The following CACNB1 variants were observed in gnomAD, a reference collection of about 807,000 sequenced individuals.
The protein encoded by CACNB1 is voltage-dependent L-type calcium channel subunit beta-1.
CACNB1 carries 29 observed loss-of-function variants against 71.6 expected under a neutral mutation model. The observed-to-expected ratio is 0.40, with a 90% CI of 0.30 to 0.55. The LOEUF (loss-of-function observed/expected upper bound fraction) is 0.55. CACNB1 is among the 20% of genes least tolerant of loss of function. The pLI is 0.38. For missense variants in CACNB1, 623 were observed against 801.8 expected, an observed-to-expected ratio of 0.78 and a Z score of 2.69; for synonymous variants, 300 against 319.6, an observed-to-expected ratio of 0.94 and a Z score of 0.65.
intron 13 of CACNB1, among the ~76,000 whole-genome samples, chr17:39,176,889 G>A (rs778645918): frequency 6.6e-6 from 1 of 152,200 alleles, no homozygotes; most frequent in African/African-American, 2.4e-5. Flanking sequence ...TCCAGGGAGG[G>A]AGAGTCCAGG....
In CACNB1 at chr17:39,191,475, T is replaced by C. The variant is rs1442661627; in HGVS notation, c.290A>G (p.Lys97Arg). 4 of 1,602,028 alleles carry C rather than the reference T, an allele frequency of 2.5e-6. No homozygotes were observed. In the Admixed American group the frequency reaches 5.3e-5, roughly 21 times the overall value. ...AGCCCCTCCCCACATCTTTCTCACC[T>C]TGGCCTTCTCGAGCTGCGCTAATGC... ...RQALAQLEKA[K>R]TKPVAFAVRT... Residue 97 changes from lysine to arginine, a missense_variant and splice_region_variant, in exon 3 of 14, where the codon AAG (lysine) becomes AGG (arginine). Coordinates refer to ENST00000394303, the MANE Select transcript of CACNB1 (RefSeq NM_000723.5).
At position 39,197,569 on chromosome 17, in the gene CACNB1, G is replaced by A. The variant is rs1198356420; in HGVS notation, c.-74C>T. The stretch of plus-strand genomic sequence containing the variant: ...TCAGCGCATGGGAGAGGCCGTGGGA[G>A]CCGAAAGCAGCGCGGCGCAGCCAGC... On this transcript the variant is annotated 5_prime_UTR_variant, in exon 1 of 14. Transcript: ENST00000394303. 62 of 1,167,516 alleles carry A rather than the reference G, an allele frequency of 5.3e-5. No individual in the cohort carries two copies. The highest frequency in any genetic ancestry group is 7.1e-5 in the Non-Finnish European group (60 of 850,484). 72.3% of individuals were successfully genotyped at this position (1,167,516 alleles called of 1,614,324 possible).
chr17:39,183,337 AAAGAAGAAGAAG>A (rs35982951), intron 11 of CACNB1, among the ~76,000 whole-genome samples: 1 of 130,186 alleles, frequency 7.7e-6, no homozygotes, highest in African/African-American at 2.5e-5. Flanking sequence ...GACTTAAAAA[AAAGAAGAAGAAG>A]AAGAAGAAGA....
chr17:39,185,146 T>C lies in CACNB1; in HGVS notation c.633A>G (p.Lys211=), dbSNP rs1339112502. The C allele has an allele frequency of 9.9e-6, 16 of 1,613,650 alleles. No individual in the cohort carries two copies. Among genetic ancestry groups the C allele is most frequent in the Non-Finnish European group, 1.4e-5 (16 of 1,179,694 alleles). ...TRRPTPPASA[K]QKQKSTEHVP... is the part of the protein sequence containing the mutation. ...TGATACTCACCGACTTCTGCTTCTG[T>C]TTGGCTGGGTCCAGAGATTGCCAAG... The change falls in exon 7 of 14, where the codon AAA becomes AAG. Residue 211 remains lysine, a synonymous_variant. Coordinates refer to ENST00000394303, the MANE Select transcript of CACNB1 (RefSeq NM_000723.5).
At chr17:39,190,238 A>G (rs1312611114) in intron 3 of CACNB1, among the ~76,000 whole-genome samples, 1 of 152,088 alleles carries the variant, frequency 6.6e-6, no homozygotes, top group Non-Finnish European at 1.5e-5. Flanking sequence ...CCTGGGCAAC[A>G]TAGCAAGATC....
chr17:39,191,718 A>T, intron 2 of CACNB1, 125 bp from the exon 3 acceptor site: 1 of 908,718 alleles, frequency 1.1e-6, no homozygotes, highest in Non-Finnish European at 1.7e-6. Context: ...TGACACCACA[A>T]GGGCTAAGAC....
chr17:39,197,555 G>A lies in CACNB1; in HGVS notation c.-60C>T, dbSNP rs1451474218. ...CCAGCCGGGCTCCCTCAGCGCATGG[G>A]AGAGGCCGTGGGAGCCGAAAGCAGC... On this transcript the variant is annotated 5_prime_UTR_variant, in exon 1 of 14. Transcript: ENST00000394303. 3.0e-6 allele frequency: 4 copies of A among 1,318,368 alleles called. No homozygotes were observed. The allele number at this position is 1,318,368 out of a possible 1,614,324, so 81.7% of individuals were successfully genotyped here.
chr17:39,186,774 C>T lies in CACNB1; in HGVS notation c.551+19G>A, dbSNP rs573339000. On this transcript the variant is annotated intron_variant, in intron 5 of 13. Coordinates refer to ENST00000394303, the MANE Select transcript of CACNB1 (RefSeq NM_000723.5). The surrounding 1 kb of genome is among the most constrained non-coding windows in gnomAD (Gnocchi z 4.1). ...TCCTGGGGTTGGCAGCATCCCCTTC[C>T]CCTGCCCCACCCAGACACCTGGAGC... The T allele has an allele frequency of 1.9e-6, 3 of 1,613,204 alleles. No homozygotes were observed. The highest frequency in any genetic ancestry group is 2.5e-6 in the Non-Finnish European group (3 of 1,179,716).
intron 11 of CACNB1, 71 bp downstream of exon 11, chr17:39,183,642 A>G: frequency 8.3e-7 from 1 of 1,211,100 alleles, no homozygotes; most frequent in Non-Finnish European, 1.1e-6. Context: ...TAAGCAGTGG[A>G]GCTGGGATTT....
chr17:39,185,107 G>A (rs2045900897), intron 7 of CACNB1, 24 bp downstream of exon 7: 1 of 1,611,358 alleles, frequency 6.2e-7, no homozygotes, highest in African/African-American at 1.3e-5. Flanking sequence ...TGGGGAGGAG[G>A]ACACAGAAAG....
rs778101083 is a variant in CACNB1, at chr17:39,186,529, TCAC to T, written c.592_594del (p.Val198del). On this transcript the variant is annotated inframe_deletion, in exon 6 of 14. Transcript: ENST00000394303. This position sits in a 1 kb window ranked among gnomAD's most constrained non-coding sequence, Gnocchi z 4.1. ...GGGGGTGTGGGGCGGCGGGTGCCAG[TCAC>T]CACATCTCCCAGACTGGAACTGGAG... is the stretch of plus-strand genomic sequence containing the variant. 3.7e-6 allele frequency: 6 copies of T among 1,613,606 alleles called. No individual in the cohort carries two copies. In the East Asian group the frequency reaches 6.7e-5, roughly 18 times the overall value.
intron 2 of CACNB1, chr17:39,193,289 T>TGCAGACACATGTACGC: frequency 3.1e-6 from 1 of 323,324 alleles, no homozygotes; most frequent in Middle Eastern, 4.0e-4. Flanking sequence ...CACACACATA[T>TGCAGACACATGTACGC]GCAGACACAT....
Position 39,174,277 on chromosome 17 carries a change from A to C in CACNB1, c.*916T>G, listed in dbSNP as rs1184847176. ...AGAGGAGATCCGAGGTCCCAAGGCA[A>C]CCCCTGGGCACCATCCCACGGGTCC... On this transcript the variant is annotated 3_prime_UTR_variant, in exon 14 of 14. Coordinates refer to ENST00000394303, the MANE Select transcript of CACNB1 (RefSeq NM_000723.5). 6.5e-6 allele frequency: 1 copy of C among 152,816 alleles called. No individual in the cohort carries two copies. The highest frequency in any genetic ancestry group is 2.4e-5 in the African/African-American group (1 of 41,396). The allele number at this position is 152,816 out of a possible 1,614,324, so 9.5% of individuals were successfully genotyped here. A position where few individuals can be genotyped will look rare whatever the true frequency, so the allele number is the denominator to read the frequency against.
At chr17:39,179,272 C>T (rs2144095116) in intron 11 of CACNB1, among the ~76,000 whole-genome samples, 1 of 130,454 alleles carries the variant, frequency 7.7e-6, no homozygotes, top group South Asian at 2.4e-4. Context: ...CAGAGCAAGA[C>T]TCCGTCTCAA....
Position 39,194,188 on chromosome 17 carries a change from T to C in CACNB1, c.171+696A>G, listed in dbSNP as rs1166260512. Among the ~76,000 whole-genome samples the C allele has an allele frequency of 1.3e-5, 2 of 152,138 alleles. No individual in the cohort carries two copies. Among genetic ancestry groups the C allele is most frequent in the African/African-American group, 2.4e-5 (1 of 41,426 alleles). ...ATGCTAAGTAGTCATAGCAACCACATGCCTCTCTCAGTCCCTCACCCTGAG... is the reference window on the plus strand; with the variant it reads ...ATGCTAAGTAGTCATAGCAACCACACGCCTCTCTCAGTCCCTCACCCTGAG... On this transcript the variant is annotated intron_variant, in intron 2 of 13. Transcript: ENST00000394303. This position sits in a 1 kb window ranked among gnomAD's most constrained non-coding sequence, Gnocchi z 4.6.
At chr17:39,178,386 T>TG in intron 11 of CACNB1, 1 of 159,472 alleles carries the variant, frequency 6.3e-6, no homozygotes. Flanking sequence ...TTTTTTTTTG[T>TG]TTTTTTTTTT....
chr17:39,186,119 C>A lies in CACNB1; in HGVS notation c.628+377G>T. 2 of 1,612,166 alleles carry A rather than the reference C, an allele frequency of 1.2e-6. No individual in the cohort carries two copies. Among genetic ancestry groups the A allele is most frequent in the South Asian group, 1.1e-5 (1 of 90,894 alleles). Reference sequence around the variant, plus strand: ...CATTTCATTACCTGGACCGGAGAGTCAGGAGAGAGGGAGGAGGGAGGCGAG... The same window carrying A: ...CATTTCATTACCTGGACCGGAGAGTAAGGAGAGAGGGAGGAGGGAGGCGAG... On this transcript the variant is annotated intron_variant, in intron 6 of 13. Coordinates refer to ENST00000394303, the MANE Select transcript of CACNB1 (RefSeq NM_000723.5). This position sits in a 1 kb window ranked among gnomAD's most constrained non-coding sequence, Gnocchi z 4.1.
chr17:39,189,640 A>G (rs2046024700), intron 3 of CACNB1, among the ~76,000 whole-genome samples: 1 of 151,118 alleles, frequency 6.6e-6, no homozygotes, highest in African/African-American at 2.4e-5. Flanking sequence ...CTGGGATTAC[A>G]GGCATGCGCC....
At position 39,184,876 on chromosome 17, in the gene CACNB1, A is replaced by G. The variant is rs534596059; in HGVS notation, c.649-12T>C. ...GGCACATGCTCTGTCTGGGGGGGGA[A>G]GCAGGGAGGGGAAACCCCAGAGTGG... is the stretch of plus-strand genomic sequence containing the variant. On this transcript the variant is annotated splice_polypyrimidine_tract_variant and intron_variant, in intron 7 of 13. Coordinates refer to ENST00000394303, the MANE Select transcript of CACNB1 (RefSeq NM_000723.5). The G allele has an allele frequency of 8.8e-6, 13 of 1,483,238 alleles. No individual in the cohort carries two copies. In the East Asian group the frequency reaches 2.0e-4, roughly 23 times the overall value. 91.9% of individuals were successfully genotyped at this position (1,483,238 alleles called of 1,614,324 possible). A position where few individuals can be genotyped will look rare whatever the true frequency, so the allele number is the denominator to read the frequency against.
Sources: gnomAD v4.1 joint callset for allele counts (sites outside exome capture counted in the v4.1 genomes callset) on GRCh38, gnomAD v4.1.1 for gene constraint, Gnocchi (gnomAD v3.1) non-coding constraint, MANE v1.5 for transcripts, NCBI Gene and HGNC (gene_info 2026-07-23, HGNC 2026-07-21) for gene names.